The following WDR17 variants were observed in gnomAD, a reference collection of about 807,000 sequenced individuals.
WDR17 encodes the protein WD repeat-containing protein 17.
A neutral mutation model predicts 161.7 loss-of-function variants in WDR17; 143 were observed. The ratio of observed to expected loss-of-function variants is 0.88; its 90% CI spans 0.77 to 1.02. The LOEUF is 1.02. WDR17 is among the 50% of genes least tolerant of loss of function. The pLI is 0.00. For missense variants in WDR17, 1,469 were observed against 1,520.9 expected (o/e 0.97, Z 0.57); for synonymous variants, 517 against 515.6 (o/e 1.00, Z -0.04).
intron 7 of WDR17, among the ~76,000 whole-genome samples, chr4:176,134,575 A>G (rs1241746546): frequency 6.6e-6 from 1 of 151,742 alleles, no homozygotes; most frequent in Admixed American, 6.6e-5. Flanking sequence ...ATTTTGGAAC[A>G]AGGCTCATTA....
chr4:176,167,661 A>AACAAT (rs1554036557), intron 22 of WDR17, among the ~76,000 whole-genome samples: 1 of 113,736 alleles, frequency 8.8e-6, no homozygotes. Flanking sequence ...AAAAAAAAAA[A>AACAAT]AAAAAAAAAA....
At chr4:176,110,454 G>T (rs2126690365) in intron 1 of WDR17, among the ~76,000 whole-genome samples, 1 of 152,236 alleles carries the variant, frequency 6.6e-6, no homozygotes, top group East Asian at 1.9e-4. Flanking sequence ...AGTATTTTAG[G>T]CCATAATGGA....
chr4:176,132,728 CTT>C (rs1743666649), intron 7 of WDR17, among the ~76,000 whole-genome samples: 1 of 151,678 alleles, frequency 6.6e-6, no homozygotes, highest in South Asian at 2.1e-4. Flanking sequence ...TTTAACTTTT[CTT>C]TTTATATAAA....
chr4:176,086,585 C>T (rs1395915847), intron 1 of WDR17, among the ~76,000 whole-genome samples: 1 of 151,784 alleles, frequency 6.6e-6, no homozygotes, highest in Non-Finnish European at 1.5e-5. Flanking sequence ...GCCTCAAAAT[C>T]TATTTTATCT....
chr4:176,133,520 C>T (rs35908744), intron 7 of WDR17, among the ~76,000 whole-genome samples: 38,433 of 150,668 alleles, frequency 0.26, 5,065 homozygotes, highest in African/African-American at 0.3. Context: ...TAATAAATGC[C>T]GAATACTAAA....
chr4:176,119,003 C>T (rs1031620111), intron 3 of WDR17, among the ~76,000 whole-genome samples: 9 of 151,810 alleles, frequency 5.9e-5, no homozygotes, highest in African/African-American at 2.2e-4. Context: ...AAATAAATTC[C>T]TTGGCTCAAA....
At chr4:176,102,694 G>A (rs921588250) in intron 1 of WDR17, among the ~76,000 whole-genome samples, 1 of 152,134 alleles carries the variant, frequency 6.6e-6, no homozygotes, top group Non-Finnish European at 1.5e-5. Context: ...GCCATGAAAG[G>A]CACTAGAAAT....
At chr4:176,108,683 G>T (rs1739212169) in intron 1 of WDR17, among the ~76,000 whole-genome samples, 1 of 151,950 alleles carries the variant, frequency 6.6e-6, no homozygotes, top group South Asian at 2.1e-4. Flanking sequence ...GCTATGAGGG[G>T]TATATGGGAA....
In WDR17 at chr4:176,155,884, G is replaced by A. The variant is rs751694978; in HGVS notation, c.2461-195G>A. ...AGCTTCTTTTATATTATTGACAGAG[G>A]TAAAATTAGTGCTCTTTAAAGATTT... On this transcript the variant is annotated intron_variant, in intron 17 of 28. Transcript: ENST00000508596. Among the ~76,000 whole-genome samples the A allele has an allele frequency of 3.0e-4, 45 of 151,718 alleles. 2 individuals carry two copies. In the Middle Eastern group the frequency reaches 0.017, roughly 58 times the overall value.
chr4:176,085,412 G>T (rs1436679208), intron 1 of WDR17, among the ~76,000 whole-genome samples: 2 of 151,986 alleles, frequency 1.3e-5, no homozygotes, highest in African/African-American at 2.4e-5. Context: ...CTATTTTAAA[G>T]AATTCGCCAG....
intron 22 of WDR17, among the ~76,000 whole-genome samples, chr4:176,165,340 G>A (rs578098780): frequency 6.6e-6 from 1 of 152,158 alleles, no homozygotes; most frequent in South Asian, 2.1e-4. Flanking sequence ...CTGCACTCCA[G>A]CCTGGGCAAC....
intron 20 of WDR17, 130 bp downstream of exon 20, chr4:176,161,132 T>A: frequency 1.6e-6 from 1 of 617,812 alleles, no homozygotes; most frequent in Non-Finnish European, 2.6e-6. Flanking sequence ...TTCCTCACCA[T>A]GATCCAGTTC....
intron 11 of WDR17, among the ~76,000 whole-genome samples, chr4:176,143,102 T>C (rs1450499691): frequency 6.6e-6 from 1 of 152,120 alleles, no homozygotes; most frequent in Non-Finnish European, 1.5e-5. Flanking sequence ...TGGTCTCGAA[T>C]TCCCGACCTC....
intron 1 of WDR17, among the ~76,000 whole-genome samples, chr4:176,094,905 G>A (rs1396226458): frequency 3.3e-5 from 5 of 152,142 alleles, no homozygotes; most frequent in Non-Finnish European, 7.4e-5. Flanking sequence ...AACCTTACTT[G>A]AAAGAGATAC....
intron 1 of WDR17, among the ~76,000 whole-genome samples, chr4:176,106,713 G>A (rs1738785678): frequency 6.6e-6 from 1 of 152,198 alleles, no homozygotes; most frequent in Non-Finnish European, 1.5e-5. Flanking sequence ...GGGCACTTTG[G>A]GAGGCTGAGG....
intron 1 of WDR17, among the ~76,000 whole-genome samples, chr4:176,101,744 T>C (rs967774855): frequency 1.3e-5 from 2 of 152,076 alleles, no homozygotes; most frequent in African/African-American, 2.4e-5. Flanking sequence ...TCAACTGATA[T>C]TTGATAAAGG....
intron 1 of WDR17, among the ~76,000 whole-genome samples, chr4:176,100,215 C>T (rs1345366235): frequency 6.6e-6 from 1 of 152,136 alleles, no homozygotes; most frequent in African/African-American, 2.4e-5. Flanking sequence ...TGTATGAATT[C>T]TCTTTTCCCC....
chr4:176,143,731 T>A (rs1745691403), intron 11 of WDR17, among the ~76,000 whole-genome samples: 1 of 152,062 alleles, frequency 6.6e-6, no homozygotes, highest in African/African-American at 2.4e-5. Context: ...ACCATCAACT[T>A]GCCACTAAAC....
At chr4:176,117,157 G>GA (rs900493889) in intron 3 of WDR17, among the ~76,000 whole-genome samples, 46 of 151,898 alleles carry the variant, frequency 3.0e-4, no homozygotes, top group African/African-American at 1.0e-3. Context: ...CTTTCCATGA[G>GA]AAAAAAACAA....
Sources: allele counts gnomAD v4.1 joint callset (sites outside exome capture counted in the v4.1 genomes callset), GRCh38; gene constraint gnomAD v4.1.1; transcripts MANE v1.5; gene names NCBI Gene and HGNC (gene_info 2026-07-23, HGNC 2026-07-21).